GALNT3: variants seen among roughly 807,000 people sequenced by gnomAD.
The protein encoded by GALNT3 is polypeptide N-acetylgalactosaminyltransferase 3.
GALNT3 carries 51 observed loss-of-function variants against 69.8 expected under a neutral mutation model. That is an observed-to-expected ratio of 0.73 (90% CI 0.58 to 0.92). GALNT3 has a LOEUF of 0.92. Among genes scored for constraint, GALNT3 ranks in the 40% least tolerant of loss-of-function variants. GALNT3 has a pLI of 0.00. For missense variants in GALNT3, 711 were observed against 760.0 expected, an observed-to-expected ratio of 0.94 and a Z score of 0.76; for synonymous variants, 265 against 248.5, an observed-to-expected ratio of 1.07 and a Z score of -0.63.
At chr2:165,769,221 C>A (rs1181673579) in intron 2 of GALNT3, among the ~76,000 whole-genome samples, 1 of 144,270 alleles carries the variant, frequency 6.9e-6, no homozygotes, top group African/African-American at 2.5e-5. Context: ...GCCTGGCCAA[C>A]ATGGTGAAAC....
At chr2:165,788,052 G>T (rs1213196908) in intron 1 of GALNT3, among the ~76,000 whole-genome samples, 1 of 152,100 alleles carries the variant, frequency 6.6e-6, no homozygotes, top group Non-Finnish European at 1.5e-5. Flanking sequence ...GATTGGGCCA[G>T]GCGCGGTGGC....
At chr2:165,782,523 T>G (rs898248695) in intron 1 of GALNT3, among the ~76,000 whole-genome samples, 1 of 152,100 alleles carries the variant, frequency 6.6e-6, no homozygotes. Flanking sequence ...AGAGTCAATA[T>G]AGAGATTCTG....
chr2:165,785,230 G>A (rs1011605046), intron 1 of GALNT3, among the ~76,000 whole-genome samples: 5 of 151,706 alleles, frequency 3.3e-5, no homozygotes, highest in Non-Finnish European at 7.4e-5. Context: ...AAATTATGAT[G>A]GAGTAATATG....
intron 2 of GALNT3, among the ~76,000 whole-genome samples, chr2:165,765,422 C>T (rs1230841963): frequency 6.6e-6 from 1 of 152,004 alleles, no homozygotes; most frequent in African/African-American, 2.4e-5. Flanking sequence ...CAAATAAAAA[C>T]CAAATTTTTC....
Position 165,758,758 on chromosome 2 carries a change from T to G in GALNT3, c.1180A>C (p.Met394Leu). Residue 394 changes from methionine (M) to leucine (L), a missense_variant, in exon 6 of 11, where the codon ATG (methionine) becomes CTG (leucine). By Grantham distance (15) the Met-to-Leu change is conservative. Transcript: ENST00000392701. ...MEIWGGENIE[M>L]SFRVWQCGGQ... ...TTCCATAAACTTACTCTGAAAGACATTTCTATATTTTCACCTCCCCAGATT... is the reference window on the plus strand; with the variant it reads ...TTCCATAAACTTACTCTGAAAGACAGTTCTATATTTTCACCTCCCCAGATT... The G allele has an allele frequency of 6.4e-7, 1 of 1,551,904 alleles. No individual in the cohort carries two copies. The highest frequency in any genetic ancestry group is 8.9e-7 in the Non-Finnish European group (1 of 1,123,598).
intron 1 of GALNT3, among the ~76,000 whole-genome samples, chr2:165,790,537 G>A (rs557015393): frequency 1.3e-5 from 2 of 152,170 alleles, no homozygotes; most frequent in East Asian, 3.9e-4. Context: ...CATTCCAAAT[G>A]TATTTTTGCA....
intron 4 of GALNT3, 80 bp downstream of exon 4, chr2:165,761,820 TAGAAA>T (rs1230301209): frequency 6.9e-7 from 1 of 1,458,386 alleles, no homozygotes; most frequent in East Asian, 2.3e-5. Flanking sequence ...ATTAGGCATT[TAGAAA>T]AGAAAAGACT....
chr2:165,788,810 A>G (rs1683284723), intron 1 of GALNT3, among the ~76,000 whole-genome samples: 1 of 152,136 alleles, frequency 6.6e-6, no homozygotes, highest in African/African-American at 2.4e-5. Context: ...ATCACTCCAG[A>G]GTTAAGCAAG....
chr2:165,760,736 A>T (rs988095918), intron 4 of GALNT3, among the ~76,000 whole-genome samples: 1 of 152,192 alleles, frequency 6.6e-6, no homozygotes, highest in African/African-American at 2.4e-5. Context: ...TGTGCTCAAA[A>T]CTAGTAATTG....
chr2:165,765,665 T>A (rs565516886), intron 2 of GALNT3, among the ~76,000 whole-genome samples: 296 of 152,196 alleles, frequency 1.9e-3, no homozygotes, highest in African/African-American at 7.0e-3. Context: ...ATTTTTGGTA[T>A]TTTTAGTAGA....
chr2:165,762,959 T>C (rs1293794566), intron 3 of GALNT3, among the ~76,000 whole-genome samples: 1 of 83,126 alleles, frequency 1.2e-5, no homozygotes, highest in East Asian at 3.9e-4. Flanking sequence ...CTAATTTTTC[T>C]TTTCTTTTCT....
intron 7 of GALNT3, among the ~76,000 whole-genome samples, chr2:165,756,798 C>A (rs555907223): frequency 3.3e-5 from 5 of 152,126 alleles, no homozygotes; most frequent in Admixed American, 6.6e-5. Flanking sequence ...AAATATTGAA[C>A]CAGGGCAGCA....
At chr2:165,784,968 T>C (rs2105229364) in intron 1 of GALNT3, among the ~76,000 whole-genome samples, 1 of 152,312 alleles carries the variant, frequency 6.6e-6, no homozygotes, top group South Asian at 2.1e-4. Flanking sequence ...CCCTCTGCCA[T>C]TAAGTATTTA....
chr2:165,764,689 G>A (rs756641257), intron 3 of GALNT3, among the ~76,000 whole-genome samples, 195 bp downstream of exon 3: 1 of 152,144 alleles, frequency 6.6e-6, no homozygotes, highest in Admixed American at 6.5e-5. Flanking sequence ...GAATAATGGT[G>A]TTTCATACAT....
intron 1 of GALNT3, among the ~76,000 whole-genome samples, chr2:165,787,713 T>A (rs1683254036): frequency 6.6e-6 from 1 of 152,184 alleles, no homozygotes; most frequent in Non-Finnish European, 1.5e-5. Context: ...CTCATTTTAT[T>A]TTTGTTTTTC....
chr2:165,787,242 C>T (rs186680581), intron 1 of GALNT3, among the ~76,000 whole-genome samples: 85 of 152,268 alleles, frequency 5.6e-4, no homozygotes, highest in African/African-American at 2.0e-3. Context: ...AGTAGTTATG[C>T]CAAAATGGGA....
At chr2:165,758,055 C>T (rs991734547) in intron 6 of GALNT3, among the ~76,000 whole-genome samples, 3 of 152,070 alleles carry the variant, frequency 2.0e-5, no homozygotes, top group Non-Finnish European at 2.9e-5. Context: ...GTGCTTGTGA[C>T]CCAACACGTG....
At position 165,762,051 on chromosome 2, in the gene GALNT3, T is replaced by C. The variant is rs376216552; in HGVS notation, c.692A>G (p.Tyr231Cys). The change falls in exon 4 of 11, where the codon TAC becomes TGC. Residue 231 changes from tyrosine to cysteine, a missense_variant. Transcript: ENST00000392701. ...ILVDDASVDE[Y>C]LHDKLDEYVK... is the part of the protein sequence containing the mutation. ...ATATTCATCTAGTTTATCATGTAAG[T>C]ACTCTGTAAGGAAAAAAAATCAGGG... is the stretch of plus-strand genomic sequence containing the variant. The C allele has an allele frequency of 6.5e-7, 1 of 1,544,540 alleles. No individual in the cohort carries two copies. Among genetic ancestry groups the C allele is most frequent in the Non-Finnish European group, 8.9e-7 (1 of 1,117,598 alleles).
chr2:165,788,626 TC>T (rs1466804221), intron 1 of GALNT3, among the ~76,000 whole-genome samples: 1 of 151,900 alleles, frequency 6.6e-6, no homozygotes, highest in Non-Finnish European at 1.5e-5. Context: ...GGACACAGTT[TC>T]CCAAATGAAG....
Sources: allele counts gnomAD v4.1 joint callset (sites outside exome capture counted in the v4.1 genomes callset), GRCh38; gene constraint gnomAD v4.1.1; transcripts MANE v1.5; gene names NCBI Gene and HGNC (gene_info 2026-07-23, HGNC 2026-07-21).